The following DLG2 variants were observed in gnomAD, a reference collection of about 807,000 sequenced individuals.
DLG2 encodes disks large homolog 2.
A neutral mutation model predicts 132.5 loss-of-function variants in DLG2; 45 were observed. The observed-to-expected ratio is 0.34, with a 90% CI of 0.27 to 0.44. The LOEUF (loss-of-function observed/expected upper bound fraction) is 0.44. Among genes scored for constraint, DLG2 ranks in the 20% least tolerant of loss-of-function variants. The pLI is 1.00. For missense variants in DLG2, 1,045 were observed against 1,196.9 expected, an observed-to-expected ratio of 0.87 and a Z score of 1.87; for synonymous variants, 424 against 419.6, an observed-to-expected ratio of 1.01 and a Z score of -0.13.
chr11:85,580,442 A>C (rs1379633598), intron 3 of DLG2, among the ~76,000 whole-genome samples: 1 of 152,232 alleles, frequency 6.6e-6, no homozygotes, highest in Non-Finnish European at 1.5e-5. Context: ...AAGTCAGAGA[A>C]CAACAGAAGA....
chr11:84,541,325 T>C (rs2099369047), intron 6 of DLG2, among the ~76,000 whole-genome samples: 1 of 152,062 alleles, frequency 6.6e-6, no homozygotes. Context: ...TCTCCCTATC[T>C]TAGTTCATTT....
intron 4 of DLG2, among the ~76,000 whole-genome samples, chr11:85,204,339 C>T (rs2081704613): frequency 6.6e-6 from 1 of 152,072 alleles, no homozygotes; most frequent in Non-Finnish European, 1.5e-5. Context: ...GGTAAAGTTG[C>T]AGGATATAGC....
rs7945060 is a variant in DLG2, at chr11:85,616,692, C to A, written c.-93+9895G>T. ...GGGACTTCTCCTAGCCCCTTCACAG[C>A]GTAGAAAAAAATTTTCCCAGCTGAA... On this transcript the variant is annotated intron_variant, in intron 2 of 27. Transcript: ENST00000376104. Among the ~76,000 whole-genome samples, 799 of 152,076 alleles carry A rather than the reference C, an allele frequency of 5.3e-3. 8 individuals are homozygous for A. The highest frequency in any genetic ancestry group is 0.018 in the African/African-American group (741 of 41,500).
Position 85,411,382 on chromosome 11 carries a change from G to A in DLG2, c.41-126017C>T, listed in dbSNP as rs765382425. On this transcript the variant is annotated intron_variant, in intron 3 of 27. Coordinates refer to ENST00000376104, the MANE Select transcript of DLG2 (RefSeq NM_001142699.3). ...AAGTAGTCTATGAGTCTCTTGCAGC[G>A]TTAAAGAACATAGACATTATAAGAG... Among the ~76,000 whole-genome samples, 9 of 151,942 alleles carry A rather than the reference G, an allele frequency of 5.9e-5. 1 individual carries two copies. The highest frequency in any genetic ancestry group is 2.2e-4 in the African/African-American group (9 of 41,504).
chr11:85,243,443 G>A (rs986823386), intron 4 of DLG2, among the ~76,000 whole-genome samples: 17 of 151,844 alleles, frequency 1.1e-4, no homozygotes, highest in African/African-American at 3.4e-4. Context: ...ATAAATTCCC[G>A]ACTTAAAGTT....
At chr11:85,136,161 A>G (rs2076129837) in intron 5 of DLG2, among the ~76,000 whole-genome samples, 1 of 152,230 alleles carries the variant, frequency 6.6e-6, no homozygotes, top group Non-Finnish European at 1.5e-5. Context: ...CAAACTGAAT[A>G]TGCAATCTTT....
At chr11:84,882,550 C>A (rs996068520) in intron 6 of DLG2, among the ~76,000 whole-genome samples, 2 of 151,986 alleles carry the variant, frequency 1.3e-5, no homozygotes, top group African/African-American at 2.4e-5. Context: ...AGCACCAGAG[C>A]GCCCCTGAGT....
chr11:85,289,249 T>C (rs2078744150), intron 3 of DLG2, among the ~76,000 whole-genome samples: 1 of 152,058 alleles, frequency 6.6e-6, no homozygotes, highest in African/African-American at 2.4e-5. Flanking sequence ...CCTTGTCACT[T>C]TCCAAGCATC....
chr11:83,596,788 C>T (rs1435743239), intron 19 of DLG2, among the ~76,000 whole-genome samples: 3 of 149,078 alleles, frequency 2.0e-5, no homozygotes, highest in African/African-American at 7.5e-5. Flanking sequence ...TTTGTACATG[C>T]TCCTCCTGCT....
At chr11:84,207,230 T>A (rs548218171) in intron 8 of DLG2, among the ~76,000 whole-genome samples, 8 of 152,160 alleles carry the variant, frequency 5.3e-5, no homozygotes, top group African/African-American at 1.7e-4. Context: ...TTAAGTTTAC[T>A]TGAAAAGTCA....
chr11:83,637,178 C>G (rs2065071252), intron 18 of DLG2, among the ~76,000 whole-genome samples: 1 of 152,134 alleles, frequency 6.6e-6, no homozygotes, highest in African/African-American at 2.4e-5. Context: ...TATTTTTCAA[C>G]AAGTTAAAAC....
intron 6 of DLG2, among the ~76,000 whole-genome samples, chr11:84,749,731 A>AT (rs1251829371): frequency 2.6e-5 from 4 of 152,248 alleles, no homozygotes; most frequent in Non-Finnish European, 1.5e-5. Flanking sequence ...ATTTTAAAAA[A>AT]ATATATATAA....
At chr11:84,549,944 C>T (rs561796045) in intron 6 of DLG2, among the ~76,000 whole-genome samples, 1 of 152,102 alleles carries the variant, frequency 6.6e-6, no homozygotes, top group East Asian at 1.9e-4. Flanking sequence ...TAAGTAGAGA[C>T]AGTGTTTCTC....
chr11:84,660,828 T>C (rs2099693743), intron 6 of DLG2, among the ~76,000 whole-genome samples: 1 of 152,186 alleles, frequency 6.6e-6, no homozygotes, highest in Admixed American at 6.5e-5. Context: ...GGTGACTAAG[T>C]GGGCCTATTT....
At chr11:85,555,418 T>C (rs562950969) in intron 3 of DLG2, among the ~76,000 whole-genome samples, 1 of 151,860 alleles carries the variant, frequency 6.6e-6, no homozygotes, top group African/African-American at 2.4e-5. Flanking sequence ...AACTTTGACC[T>C]TCACATTGTT....
intron 6 of DLG2, among the ~76,000 whole-genome samples, chr11:85,063,478 T>C (rs2064410808): frequency 6.6e-6 from 1 of 151,854 alleles, no homozygotes; most frequent in South Asian, 2.1e-4. Flanking sequence ...ATGGGGCTCC[T>C]AGAAATTTTA....
At chr11:85,283,505 C>A (rs1430332219) in intron 4 of DLG2, among the ~76,000 whole-genome samples, 8 of 147,882 alleles carry the variant, frequency 5.4e-5, no homozygotes, top group African/African-American at 1.7e-4. Flanking sequence ...ATTATGACAA[C>A]AGGATGGCAT....
intron 7 of DLG2, among the ~76,000 whole-genome samples, chr11:84,502,447 G>C (rs903399661): frequency 3.5e-5 from 5 of 143,366 alleles, no homozygotes; most frequent in African/African-American, 1.1e-4. Flanking sequence ...CCCAGGCTAA[G>C]TGCAGTGTCT....
intron 14 of DLG2, among the ~76,000 whole-genome samples, chr11:83,937,005 C>G (rs902852571): frequency 6.6e-6 from 1 of 152,104 alleles, no homozygotes; most frequent in African/African-American, 2.4e-5. Context: ...TCAATATGTC[C>G]TATACTAGTG....
Sources: gnomAD v4.1 joint callset for allele counts (sites outside exome capture counted in the v4.1 genomes callset) on GRCh38, gnomAD v4.1.1 for gene constraint, MANE v1.5 for transcripts, NCBI Gene and HGNC (gene_info 2026-07-23, HGNC 2026-07-21) for gene names.